Variants in PDZRN4 observed in about 807,000 individuals in gnomAD.
PDZRN4 encodes PDZ domain-containing RING finger protein 4.
In PDZRN4, 70 loss-of-function variants were observed where a neutral mutation model predicts 99.0. The ratio of observed to expected loss-of-function variants is 0.71; its 90% CI spans 0.58 to 0.86. The LOEUF is 0.86. Among genes scored for constraint, PDZRN4 ranks in the 40% least tolerant of loss-of-function variants. The probability of loss-of-function intolerance (pLI) is 0.00; values close to 1 mark genes in which losing one functional copy is unlikely to be tolerated. For synonymous variants in PDZRN4, 551 were observed against 501.6 expected (o/e 1.10, Z -1.32); for missense variants, 1,474 against 1,331.2 (o/e 1.11, Z -1.67).
chr12:41,525,471 C>G (rs1034856311), intron 5 of PDZRN4, among the ~76,000 whole-genome samples: 1 of 151,966 alleles, frequency 6.6e-6, no homozygotes, highest in Non-Finnish European at 1.5e-5. Flanking sequence ...AATATCATGG[C>G]TGACACATAT....
intron 3 of PDZRN4, among the ~76,000 whole-genome samples, chr12:41,453,656 C>T (rs1952793375): frequency 6.6e-6 from 1 of 152,284 alleles, no homozygotes. Flanking sequence ...TTCAAATGTA[C>T]TCATCCATCT....
intron 3 of PDZRN4, among the ~76,000 whole-genome samples, chr12:41,383,722 T>A (rs913155423): frequency 1.2e-4 from 18 of 152,210 alleles, no homozygotes; most frequent in Admixed American, 6.5e-4. Context: ...TTTAATTTTG[T>A]CAAAACATAA....
chr12:41,485,606 T>C (rs1937760687), intron 3 of PDZRN4, among the ~76,000 whole-genome samples: 1 of 152,142 alleles, frequency 6.6e-6, no homozygotes, highest in South Asian at 2.1e-4. Context: ...TATGAGGTTA[T>C]ATGGAAAAAA....
At chr12:41,454,669 A>T (rs895350401) in intron 3 of PDZRN4, among the ~76,000 whole-genome samples, 1 of 152,222 alleles carries the variant, frequency 6.6e-6, no homozygotes, top group Non-Finnish European at 1.5e-5. Context: ...CTTTGACCAT[A>T]GGAATATATC....
At chr12:41,303,639 C>T (rs1023599322) in intron 3 of PDZRN4, among the ~76,000 whole-genome samples, 3 of 152,288 alleles carry the variant, frequency 2.0e-5, no homozygotes, top group African/African-American at 4.8e-5. Context: ...TTGTCATCAT[C>T]TTGCTTACTT....
At chr12:41,468,756 C>T (rs1457969213) in intron 3 of PDZRN4, among the ~76,000 whole-genome samples, 1 of 152,154 alleles carries the variant, frequency 6.6e-6, no homozygotes, top group Non-Finnish European at 1.5e-5. Context: ...ATTAAATGTC[C>T]TTTGTAATCT....
At chr12:41,412,386 T>C (rs1476262074) in intron 3 of PDZRN4, 1 of 152,154 alleles carries the variant, frequency 6.6e-6, no homozygotes, top group East Asian at 1.9e-4. Context: ...AATTGCCACA[T>C]GACATTTTAC....
intron 5 of PDZRN4, among the ~76,000 whole-genome samples, chr12:41,520,363 A>G (rs35513811): frequency 0.016 from 2,482 of 152,092 alleles, 43 homozygotes; most frequent in Non-Finnish European, 0.024. Context: ...TGTTTTATGC[A>G]TCCCTCTCTT....
chr12:41,365,106 A>T (rs146841281), intron 3 of PDZRN4, among the ~76,000 whole-genome samples: 1 of 151,930 alleles, frequency 6.6e-6, no homozygotes, highest in African/African-American at 2.4e-5. Context: ...TAAGTTTCAG[A>T]TTTTTTTCTC....
At chr12:41,346,930 A>G (rs1565558239) in intron 3 of PDZRN4, among the ~76,000 whole-genome samples, 1 of 152,130 alleles carries the variant, frequency 6.6e-6, no homozygotes, top group Non-Finnish European at 1.5e-5. Context: ...GTTTTCTTTC[A>G]CTTAGCATAA....
At chr12:41,283,180 A>G (rs1257094034) in intron 3 of PDZRN4, among the ~76,000 whole-genome samples, 2 of 152,188 alleles carry the variant, frequency 1.3e-5, no homozygotes, top group Non-Finnish European at 2.9e-5. Context: ...GATAAAGGGG[A>G]TATGACCACT....
chr12:41,396,622 G>C (rs1296824428), intron 3 of PDZRN4, among the ~76,000 whole-genome samples: 2 of 152,122 alleles, frequency 1.3e-5, no homozygotes, highest in Admixed American at 1.3e-4. Context: ...CAAGGCGTTG[G>C]CTGGGGCTGC....
At chr12:41,389,583 G>T (rs886605210) in intron 3 of PDZRN4, among the ~76,000 whole-genome samples, 6 of 152,138 alleles carry the variant, frequency 3.9e-5, no homozygotes, top group African/African-American at 1.4e-4. Flanking sequence ...ATTATCTAGT[G>T]CAATCTACTC....
intron 3 of PDZRN4, among the ~76,000 whole-genome samples, chr12:41,485,644 A>C (rs1176975474): frequency 2.0e-5 from 3 of 152,220 alleles, no homozygotes; most frequent in Non-Finnish European, 2.9e-5. Context: ...ATTACCTGGA[A>C]TATAATTGAA....
At chr12:41,206,213 G>A (rs1478069700) in intron 3 of PDZRN4, among the ~76,000 whole-genome samples, 1 of 151,938 alleles carries the variant, frequency 6.6e-6, no homozygotes, top group African/African-American at 2.4e-5. Context: ...GGGTACATTT[G>A]CAGGGTCAGA....
chr12:41,286,111 C>A, intron 3 of PDZRN4, among the ~76,000 whole-genome samples: 1 of 151,934 alleles, frequency 6.6e-6, no homozygotes, highest in Non-Finnish European at 1.5e-5. Flanking sequence ...TAAGGCTGCC[C>A]TTCAGTATGG....
At chr12:41,533,616 A>T (rs1250365411) in intron 5 of PDZRN4, among the ~76,000 whole-genome samples, 1 of 152,080 alleles carries the variant, frequency 6.6e-6, no homozygotes, top group Admixed American at 6.5e-5. Flanking sequence ...TTTTACTTTC[A>T]ACTTTTCTGA....
intron 2 of PDZRN4, among the ~76,000 whole-genome samples, chr12:41,193,622 T>C (rs1371059058): frequency 6.6e-6 from 1 of 152,214 alleles, no homozygotes; most frequent in Non-Finnish European, 1.5e-5. Flanking sequence ...TAGAGCTATG[T>C]TTCTAAATCT....
At chr12:41,527,318 A>G (rs1042226869) in intron 5 of PDZRN4, among the ~76,000 whole-genome samples, 1 of 152,240 alleles carries the variant, frequency 6.6e-6, no homozygotes, top group African/African-American at 2.4e-5. Context: ...GGGCAGGACC[A>G]TATAAGGAAA....
Sources: gnomAD v4.1 joint callset for allele counts (sites outside exome capture counted in the v4.1 genomes callset) on GRCh38, gnomAD v4.1.1 for gene constraint, MANE v1.5 for transcripts, NCBI Gene and HGNC (gene_info 2026-07-23, HGNC 2026-07-21) for gene names.